SPATA16: variants seen among roughly 807,000 people sequenced by gnomAD.
The protein encoded by SPATA16 is spermatogenesis-associated protein 16.
In SPATA16, 36 loss-of-function variants were observed where a neutral mutation model predicts 63.3. The observed-to-expected ratio is 0.57, with a 90% CI of 0.44 to 0.75. The LOEUF is 0.75. Ranked by LOEUF, SPATA16 falls within the 30% of genes least tolerant of loss-of-function variation. The probability of loss-of-function intolerance (pLI) is 0.00; values close to 1 mark genes in which losing one functional copy is unlikely to be tolerated. For missense variants in SPATA16, 646 were observed against 679.3 expected (o/e 0.95, Z 0.54); for synonymous variants, 203 against 216.7 (o/e 0.94, Z 0.56).
intron 4 of SPATA16, among the ~76,000 whole-genome samples, chr3:173,009,489 G>C (rs2108270466): frequency 2.0e-5 from 3 of 152,366 alleles, no homozygotes; most frequent in Admixed American, 2.0e-4. Flanking sequence ...CCTGGAATCT[G>C]TGCGGAGGCA....
chr3:173,030,104 A>AT (rs1560101827), intron 3 of SPATA16, among the ~76,000 whole-genome samples: 10 of 148,302 alleles, frequency 6.7e-5, no homozygotes, highest in African/African-American at 2.6e-4. Flanking sequence ...CTATCTATCT[A>AT]CCCACCCACC....
At chr3:173,063,166 A>G (rs561152391) in intron 2 of SPATA16, among the ~76,000 whole-genome samples, 2 of 152,366 alleles carry the variant, frequency 1.3e-5, no homozygotes, top group Non-Finnish European at 2.9e-5. Flanking sequence ...CTATATCTAT[A>G]TATCACTAGA....
intron 4 of SPATA16, among the ~76,000 whole-genome samples, chr3:172,989,492 G>A (rs1734529083): frequency 6.6e-6 from 1 of 152,176 alleles, no homozygotes; most frequent in Non-Finnish European, 1.5e-5. Context: ...TGAAAACTCT[G>A]ACTTGGGAGC....
At chr3:172,934,987 A>G (rs1388858645) in intron 6 of SPATA16, among the ~76,000 whole-genome samples, 1 of 152,156 alleles carries the variant, frequency 6.6e-6, no homozygotes, top group Non-Finnish European at 1.5e-5. Flanking sequence ...GAACTTTAGG[A>G]CAAAGTAATA....
intron 5 of SPATA16, 39 bp from the exon 6 acceptor site, chr3:172,956,863 A>G (rs1259766449): frequency 6.2e-7 from 1 of 1,611,086 alleles, no homozygotes; most frequent in East Asian, 2.2e-5. Context: ...ATCAATAACA[A>G]TATATGACTT....
intron 6 of SPATA16, among the ~76,000 whole-genome samples, chr3:172,942,286 AATAG>A (rs977265893): frequency 5.7e-4 from 87 of 152,294 alleles, no homozygotes; most frequent in African/African-American, 2.0e-3. Flanking sequence ...TAAGTAATTA[AATAG>A]ATAAATAAGT....
chr3:172,928,189 A>G (rs1732785121), intron 6 of SPATA16, among the ~76,000 whole-genome samples: 1 of 152,210 alleles, frequency 6.6e-6, no homozygotes, highest in African/African-American at 2.4e-5. Flanking sequence ...GATTATAGGC[A>G]TGAGCCACTG....
Position 173,121,049 on chromosome 3 carries a change from A to G in SPATA16, c.-18-3300T>C, listed in dbSNP as rs541554998. On this transcript the variant is annotated intron_variant, in intron 1 of 10. Coordinates refer to ENST00000351008, the MANE Select transcript of SPATA16 (RefSeq NM_031955.6). ...GAAAGATCAATTATTCCCAATATAT[A>G]TAAGAAACTAATTCAGGTTCCCTCC... Among the ~76,000 whole-genome samples, 443 of 152,350 alleles carry G rather than the reference A, an allele frequency of 2.9e-3. 1 individual carries two copies. The highest frequency in any genetic ancestry group is 0.01 in the African/African-American group (425 of 41,584).
At chr3:172,943,163 A>C (rs963821681) in intron 6 of SPATA16, among the ~76,000 whole-genome samples, 7 of 152,216 alleles carry the variant, frequency 4.6e-5, no homozygotes, top group Non-Finnish European at 8.8e-5. Flanking sequence ...GAAATAATAA[A>C]TATAAGAGCA....
rs114051861 is a variant in SPATA16, at chr3:172,968,022, C to T, written c.933+8946G>A. Among the ~76,000 whole-genome samples, 892 of 152,228 alleles carry T rather than the reference C, an allele frequency of 5.9e-3. 12 individuals are homozygous for T. Among genetic ancestry groups the T allele is most frequent in the African/African-American group, 0.019 (778 of 41,544 alleles). On this transcript the variant is annotated intron_variant, in intron 5 of 10. Transcript: ENST00000351008. ...ATGGAAAAACTGTCTTTCACAAAAC[C>T]GGTCCCTGGTACCAAAAAGTTGGGG... is the stretch of plus-strand genomic sequence containing the variant.
At chr3:173,068,993 C>T (rs1736598766) in intron 2 of SPATA16, among the ~76,000 whole-genome samples, 1 of 150,842 alleles carries the variant, frequency 6.6e-6, no homozygotes, top group Non-Finnish European at 1.5e-5. Context: ...GCCTGTAGTC[C>T]CAGCTACTCG....
At chr3:173,056,528 C>T (rs1243209827) in intron 2 of SPATA16, among the ~76,000 whole-genome samples, 2 of 151,744 alleles carry the variant, frequency 1.3e-5, no homozygotes, top group African/African-American at 2.4e-5. Flanking sequence ...CATAGTAAAA[C>T]CCCGTCTCTA....
In SPATA16 at chr3:173,114,766, A is replaced by C. The variant is rs140050876; in HGVS notation, c.612+2354T>G. 1.9e-3 allele frequency among the ~76,000 whole-genome samples: 290 copies of C among 152,320 alleles called. 6 individuals carry two copies. In the East Asian group the frequency reaches 0.051, roughly 27 times the overall value. ...CTTATTCAAAGCCATGTTAGGACTT[A>C]AGGAAAAGGGAGAGATGCTTTAAAT... On this transcript the variant is annotated intron_variant, in intron 2 of 10. Transcript: ENST00000351008.
intron 10 of SPATA16, among the ~76,000 whole-genome samples, chr3:172,893,809 G>C (rs1489630921): frequency 6.6e-6 from 1 of 152,216 alleles, no homozygotes; most frequent in Non-Finnish European, 1.5e-5. Context: ...AAATTATACT[G>C]AGAAGGAAGA....
chr3:173,024,659 A>G (rs1056773427), intron 3 of SPATA16, among the ~76,000 whole-genome samples: 19 of 150,840 alleles, frequency 1.3e-4, no homozygotes, highest in African/African-American at 4.6e-4. Context: ...AAATAATGCT[A>G]TGATTTTTAT....
intron 1 of SPATA16, among the ~76,000 whole-genome samples, chr3:173,140,516 GA>G (rs1227170973): frequency 1.3e-5 from 2 of 152,176 alleles, no homozygotes; most frequent in African/African-American, 4.8e-5. Context: ...CGCCAGGCAT[GA>G]TGTTAGGATA....
At chr3:172,908,975 GC>G (rs1239977898) in intron 10 of SPATA16, among the ~76,000 whole-genome samples, 1 of 152,068 alleles carries the variant, frequency 6.6e-6, no homozygotes, top group Non-Finnish European at 1.5e-5. Context: ...CAAATTAAAA[GC>G]CCTTGGGAAA....
At chr3:173,078,840 C>G (rs1016369346) in intron 2 of SPATA16, among the ~76,000 whole-genome samples, 1 of 152,128 alleles carries the variant, frequency 6.6e-6, no homozygotes, top group African/African-American at 2.4e-5. Flanking sequence ...TGAGCAGACG[C>G]AGACAATTTT....
chr3:173,121,046 T>C (rs1281209756), intron 1 of SPATA16, among the ~76,000 whole-genome samples: 9 of 152,344 alleles, frequency 5.9e-5, no homozygotes, highest in African/African-American at 1.9e-4. Context: ...ATTCCCAATA[T>C]ATATAAGAAA....
Sources: gnomAD v4.1 joint callset for allele counts (sites outside exome capture counted in the v4.1 genomes callset) on GRCh38, gnomAD v4.1.1 for gene constraint, MANE v1.5 for transcripts, NCBI Gene and HGNC (gene_info 2026-07-23, HGNC 2026-07-21) for gene names.